The following SGCD variants were observed in gnomAD, a reference collection of about 807,000 sequenced individuals.
SGCD encodes the protein sarcoglycan delta, also known as delta-sarcoglycan.
Under a neutral mutation model 36.6 loss-of-function variants are expected in SGCD, and 18 were observed. That is an observed-to-expected ratio of 0.49 (90% CI 0.34 to 0.73). SGCD has a LOEUF of 0.73. Among genes scored for constraint, SGCD ranks in the 30% least tolerant of loss-of-function variants. The pLI, the probability that SGCD is intolerant of heterozygous loss-of-function variation, is 0.01. For missense variants in SGCD, 387 were observed against 346.7 expected (o/e 1.12, Z -0.92); for synonymous variants, 133 against 130.6 (o/e 1.02, Z -0.12).
At chr5:156,067,920 G>A (rs1277164211) in intron 1 of SGCD, among the ~76,000 whole-genome samples, 1 of 128,648 alleles carries the variant, frequency 7.8e-6, no homozygotes, top group Admixed American at 7.1e-5. Context: ...CACGCTGGGA[G>A]CTGTAGACCG....
At chr5:156,572,153 G>A (rs552460345) in intron 4 of SGCD, among the ~76,000 whole-genome samples, 1 of 152,162 alleles carries the variant, frequency 6.6e-6, no homozygotes, top group African/African-American at 2.4e-5. Context: ...ATCTATTATT[G>A]GGCATTTGTA....
intron 7 of SGCD, among the ~76,000 whole-genome samples, chr5:156,721,705 T>C (rs1257419481): frequency 6.6e-6 from 1 of 152,064 alleles, no homozygotes; most frequent in Non-Finnish European, 1.5e-5. Context: ...TATGCTCAAG[T>C]GGGGAAGAGA....
the SGCD span, among the ~76,000 whole-genome samples, chr5:155,750,476 A>G: frequency 7.2e-5 from 11 of 152,134 alleles, no homozygotes; most frequent in Admixed American, 7.2e-4. Context: ...GATGCATGAA[A>G]GGATGCATTT....
intron 3 of SGCD, among the ~76,000 whole-genome samples, chr5:156,208,951 T>C (rs933133530): frequency 1.3e-5 from 2 of 152,078 alleles, no homozygotes; most frequent in African/African-American, 4.8e-5. Flanking sequence ...GGGAAAGTCT[T>C]ACAGGATCTC....
intron 1 of SGCD, among the ~76,000 whole-genome samples, chr5:156,084,027 T>G (rs956485346): frequency 1.3e-5 from 2 of 152,220 alleles, no homozygotes; most frequent in Non-Finnish European, 2.9e-5. Context: ...TAATATGATG[T>G]AGAATAATTC....
At position 156,251,735 on chromosome 5, in the gene SGCD, C is replaced by T. The variant is rs1357200269; in HGVS notation, c.-43-77799C>T. On this transcript the variant is annotated intron_variant, in intron 3 of 9. Transcript: ENST00000517913. Reference sequence around the variant, plus strand: ...TTCACCATATTGGCCAGGATGGTCTCGATTTCTTGACCTCATGATCCTCCC... The same window carrying T: ...TTCACCATATTGGCCAGGATGGTCTTGATTTCTTGACCTCATGATCCTCCC... 2.6e-5 allele frequency among the ~76,000 whole-genome samples: 4 copies of T among 151,946 alleles called. 1 individual carries two copies. The highest frequency in any genetic ancestry group is 4.2e-4 in the South Asian group (2 of 4,812).
chr5:156,306,005 AC>A (rs1767201429), intron 3 of SGCD, among the ~76,000 whole-genome samples: 1 of 152,164 alleles, frequency 6.6e-6, no homozygotes, highest in Non-Finnish European at 1.5e-5. Flanking sequence ...TAACTAACTT[AC>A]TTTTGATTTA....
intron 7 of SGCD, among the ~76,000 whole-genome samples, chr5:156,698,385 G>T (rs1352512299): frequency 6.6e-6 from 1 of 152,140 alleles, no homozygotes; most frequent in Admixed American, 6.6e-5. Flanking sequence ...CTCCCTCATG[G>T]TTCTCACAAT....
chr5:156,613,164 C>G (rs1222883841), intron 6 of SGCD, among the ~76,000 whole-genome samples: 1 of 152,084 alleles, frequency 6.6e-6, no homozygotes. Context: ...CTCAGTCACT[C>G]CAGTTGAAAT....
intron 5 of SGCD, among the ~76,000 whole-genome samples, chr5:156,593,123 A>C (rs1760790247): frequency 6.6e-6 from 1 of 152,182 alleles, no homozygotes; most frequent in South Asian, 2.1e-4. Context: ...GTGATAGTCC[A>C]ATGTTATAGA....
intron 1 of SGCD, among the ~76,000 whole-genome samples, chr5:156,069,506 G>A (rs79970141): frequency 0.17 from 25,965 of 151,856 alleles, 5,099 homozygotes; most frequent in East Asian, 0.47. Context: ...TACCAGTACC[G>A]TGCTGTTTTG....
At chr5:156,503,112 T>C (rs1487973418) in intron 3 of SGCD, among the ~76,000 whole-genome samples, 6 of 152,254 alleles carry the variant, frequency 3.9e-5, no homozygotes, top group Admixed American at 1.3e-4. Context: ...AAATTACTTA[T>C]TGCAAAAGAG....
intron 3 of SGCD, among the ~76,000 whole-genome samples, chr5:156,466,857 A>G (rs988006510): frequency 6.6e-6 from 1 of 152,228 alleles, no homozygotes; most frequent in Non-Finnish European, 1.5e-5. Flanking sequence ...CAATGTAGTC[A>G]TAAAATGCAA....
intron 7 of SGCD, among the ~76,000 whole-genome samples, chr5:156,655,483 G>T (rs1347863272): frequency 6.6e-6 from 1 of 152,046 alleles, no homozygotes; most frequent in Non-Finnish European, 1.5e-5. Flanking sequence ...TATATTTACT[G>T]TATTTGCAGT....
At chr5:156,167,129 G>A (rs908929506) in intron 3 of SGCD, among the ~76,000 whole-genome samples, 2 of 151,918 alleles carry the variant, frequency 1.3e-5, no homozygotes, top group South Asian at 4.2e-4. Flanking sequence ...TTGCTTCCCA[G>A]TTCTCTCTCA....
chr5:156,643,192 C>T (rs1763103436), intron 6 of SGCD, among the ~76,000 whole-genome samples: 1 of 151,936 alleles, frequency 6.6e-6, no homozygotes, highest in African/African-American at 2.4e-5. Context: ...ACCACCACGC[C>T]CGGCTAATTT....
chr5:156,520,454 A>T (rs531898179), intron 4 of SGCD, among the ~76,000 whole-genome samples: 63 of 152,350 alleles, frequency 4.1e-4, no homozygotes, highest in African/African-American at 1.4e-3. Flanking sequence ...AGTAATTTAT[A>T]GACCAAGTGC....
intron 3 of SGCD, among the ~76,000 whole-genome samples, chr5:156,398,374 G>A (rs1771972633): frequency 6.6e-6 from 1 of 152,184 alleles, no homozygotes; most frequent in South Asian, 2.1e-4. Flanking sequence ...CCTGTTGGGG[G>A]AATGTTCTGA....
At chr5:155,887,280 C>A (rs1420866485) in intron 1 of SGCD, among the ~76,000 whole-genome samples, 1 of 152,176 alleles carries the variant, frequency 6.6e-6, no homozygotes, top group Non-Finnish European at 1.5e-5. Context: ...ATTAGATGAT[C>A]AATCTTTATG....
Sources: allele counts gnomAD v4.1 joint callset (sites outside exome capture counted in the v4.1 genomes callset), GRCh38; gene constraint gnomAD v4.1.1; transcripts MANE v1.5; gene names NCBI Gene and HGNC (gene_info 2026-07-23, HGNC 2026-07-21).